The following CREB3L2 variants were observed in gnomAD, a reference collection of about 807,000 sequenced individuals.
The protein encoded by CREB3L2 is cAMP responsive element binding protein 3 like 2.
CREB3L2 carries 23 observed loss-of-function variants against 57.2 expected under a neutral mutation model. That is an observed-to-expected ratio of 0.40 (90% CI 0.29 to 0.57). CREB3L2 has a LOEUF of 0.57. Among genes scored for constraint, CREB3L2 ranks in the 20% least tolerant of loss-of-function variants. The pLI is 0.42. For synonymous variants in CREB3L2, 268 were observed against 265.1 expected (o/e 1.01, Z -0.11); for missense variants, 628 against 634.7 (o/e 0.99, Z 0.11).
At chr7:137,897,736 G>A (rs1799657201) in intron 8 of CREB3L2, among the ~76,000 whole-genome samples, 1 of 152,140 alleles carries the variant, frequency 6.6e-6, no homozygotes, top group Non-Finnish European at 1.5e-5. Flanking sequence ...GTTTTGTTAT[G>A]TGGAAATAGT....
At chr7:137,976,263 A>C (rs1213946895) in intron 1 of CREB3L2, among the ~76,000 whole-genome samples, 1 of 152,196 alleles carries the variant, frequency 6.6e-6, no homozygotes. Context: ...AAATCTGCTT[A>C]TTTAACACCC....
chr7:137,994,490 T>C (rs955468295), intron 1 of CREB3L2, among the ~76,000 whole-genome samples: 2 of 152,176 alleles, frequency 1.3e-5, no homozygotes, highest in Non-Finnish European at 2.9e-5. Flanking sequence ...GTCCAGATAA[T>C]ACAGTTAATT....
chr7:137,944,162 T>G (rs1409831088), intron 1 of CREB3L2, among the ~76,000 whole-genome samples: 1 of 152,220 alleles, frequency 6.6e-6, no homozygotes, highest in Admixed American at 6.5e-5. Flanking sequence ...TAAACTGATC[T>G]TTTGCTTACC....
At chr7:137,900,524 G>C (rs1405922620) in intron 8 of CREB3L2, among the ~76,000 whole-genome samples, 1 of 152,122 alleles carries the variant, frequency 6.6e-6, no homozygotes, top group African/African-American at 2.4e-5. Context: ...AGCCGGAGCA[G>C]TGGCTCAGAC....
chr7:137,981,376 T>C (rs549561891), intron 1 of CREB3L2, among the ~76,000 whole-genome samples: 3 of 152,204 alleles, frequency 2.0e-5, no homozygotes, highest in Non-Finnish European at 4.4e-5. Context: ...AATGGATTCA[T>C]GTTTACCAAG....
chr7:137,888,368 T>C (rs1799470611), intron 8 of CREB3L2, among the ~76,000 whole-genome samples: 1 of 151,124 alleles, frequency 6.6e-6, no homozygotes, highest in Admixed American at 6.6e-5. Context: ...ACTAAATGGT[T>C]CTATGATGCA....
chr7:137,953,762 G>A (rs942304016), intron 1 of CREB3L2, among the ~76,000 whole-genome samples: 6 of 152,144 alleles, frequency 3.9e-5, no homozygotes, highest in East Asian at 1.9e-4. Flanking sequence ...CTAGGCAACC[G>A]CTTGATGCAA....
chr7:137,968,900 A>G (rs1801453672), intron 1 of CREB3L2, among the ~76,000 whole-genome samples: 1 of 152,234 alleles, frequency 6.6e-6, no homozygotes, highest in Admixed American at 6.5e-5. Context: ...GGTTGGAGAA[A>G]AGAAGGAAGA....
At chr7:137,952,620 T>C (rs1801123454) in intron 1 of CREB3L2, among the ~76,000 whole-genome samples, 1 of 152,162 alleles carries the variant, frequency 6.6e-6, no homozygotes, top group Non-Finnish European at 1.5e-5. Context: ...TCTTGCTCAG[T>C]GTTTGACAGC....
intron 1 of CREB3L2, among the ~76,000 whole-genome samples, chr7:137,935,601 C>T (rs1007763182): frequency 5.9e-5 from 9 of 152,096 alleles, no homozygotes; most frequent in Non-Finnish European, 8.8e-5. Context: ...AGATGTAAAC[C>T]GTTTACCCAC....
Position 137,908,362 on chromosome 7 carries a change from G to A in CREB3L2, c.658C>T (p.Pro220Ser). The A allele has an allele frequency of 7.9e-7, 1 of 1,261,116 alleles. No homozygotes were observed. The highest frequency in any genetic ancestry group is 1.0e-6 in the Non-Finnish European group (1 of 994,608). 78.1% of individuals were successfully genotyped at this position (1,261,116 alleles called of 1,614,324 possible). A position where few individuals can be genotyped will look rare whatever the true frequency, so the allele number is the denominator to read the frequency against. The change falls in exon 5 of 12, where the codon CCC becomes TCC. Residue 220 changes from proline (P) to serine (S), a missense_variant. By Grantham distance (74) the Pro-to-Ser change is moderately conservative. Transcript: ENST00000330387. ...CTGAAGGGGTGCAGGCGTGGGTTGG[G>A]ACTCAGGCTGCCCTCTGAGTCACTG... is the stretch of plus-strand genomic sequence containing the variant. ...HGSDSEGSLS[P>S]NPRLHPFSLP...
rs1799264734 is a variant in CREB3L2 at position 137,880,255 on chromosome 7, A to C, written c.*221T>G. The C allele has an allele frequency of 3.6e-6, 2 of 563,278 alleles. No homozygotes were observed. The highest frequency in any genetic ancestry group is 6.4e-6 in the Non-Finnish European group (2 of 310,940). The allele number at this position is 563,278 out of a possible 1,614,324, so 34.9% of individuals were successfully genotyped here. Reference sequence around the variant, plus strand: ...TTTCCTATGGCAGTAAGAGAAAGGAAGGGAGGGATGCAGGCTCCCTTCTGC... The same window carrying C: ...TTTCCTATGGCAGTAAGAGAAAGGACGGGAGGGATGCAGGCTCCCTTCTGC... On this transcript the variant is annotated 3_prime_UTR_variant, in exon 12 of 12. Coordinates refer to ENST00000330387, the MANE Select transcript of CREB3L2 (RefSeq NM_194071.4). This position sits in a 1 kb window ranked among gnomAD's most constrained non-coding sequence, Gnocchi z 4.0.
At chr7:137,956,368 C>T (rs1237366693) in intron 1 of CREB3L2, among the ~76,000 whole-genome samples, 4 of 152,124 alleles carry the variant, frequency 2.6e-5, no homozygotes, top group African/African-American at 4.8e-5. Context: ...GTTTAAATTC[C>T]AACTACCACT....
At chr7:137,901,546 T>TGTGGGAA in intron 7 of CREB3L2, 124 bp from the exon 8 acceptor site, 1 of 560,612 alleles carries the variant, frequency 1.8e-6, no homozygotes, top group South Asian at 2.4e-5. Context: ...CCCATGGAAG[T>TGTGGGAA]GTGGGAAAGT....
chr7:137,954,698 C>A (rs1211741033), intron 1 of CREB3L2, among the ~76,000 whole-genome samples: 1 of 152,110 alleles, frequency 6.6e-6, no homozygotes, highest in Admixed American at 6.5e-5. Flanking sequence ...TTGGAATGCT[C>A]ATGGTATTGT....
At chr7:137,898,255 C>T (rs761171636) in intron 8 of CREB3L2, among the ~76,000 whole-genome samples, 1 of 152,142 alleles carries the variant, frequency 6.6e-6, no homozygotes, top group Non-Finnish European at 1.5e-5. Flanking sequence ...AAAGACAAGG[C>T]GCGAAAAGTG....
chr7:137,954,603 A>G (rs913509667), intron 1 of CREB3L2, among the ~76,000 whole-genome samples: 7 of 152,196 alleles, frequency 4.6e-5, no homozygotes, highest in African/African-American at 1.7e-4. Context: ...GAGCACTCCT[A>G]TTTTTTAAAA....
intron 1 of CREB3L2, chr7:137,955,355 G>A: frequency 7.8e-7 from 1 of 1,277,720 alleles, no homozygotes; most frequent in Admixed American, 2.3e-5. Context: ...CACAGGATGG[G>A]GGAGGGCGAA....
chr7:137,903,882 T>G, intron 7 of CREB3L2, 77 bp downstream of exon 7: 1 of 1,247,086 alleles, frequency 8.0e-7, no homozygotes, highest in South Asian at 1.2e-5. Context: ...TTGAACTGCT[T>G]CTCCCCGATT....
Sources: allele counts gnomAD v4.1 joint callset (sites outside exome capture counted in the v4.1 genomes callset), GRCh38; gene constraint gnomAD v4.1.1; non-coding constraint Gnocchi (gnomAD v3.1); transcripts MANE v1.5; gene names NCBI Gene and HGNC (gene_info 2026-07-23, HGNC 2026-07-21).